The following FER variants were observed in gnomAD, a reference collection of about 807,000 sequenced individuals.
The protein encoded by FER is FER tyrosine kinase, also known as tyrosine-protein kinase Fer.
A neutral mutation model predicts 111.0 loss-of-function variants in FER; 63 were observed. The observed-to-expected ratio is 0.57, with a 90% CI of 0.46 to 0.70. The LOEUF (loss-of-function observed/expected upper bound fraction) is 0.70. FER is among the 30% of genes least tolerant of loss of function. The probability of loss-of-function intolerance (pLI) is 0.00; values close to 1 mark genes in which losing one functional copy is unlikely to be tolerated. For synonymous variants in FER, 327 were observed against 313.9 expected, an observed-to-expected ratio of 1.04 and a Z score of -0.44; for missense variants, 914 against 954.0, an observed-to-expected ratio of 0.96 and a Z score of 0.55.
rs989943976 is a variant in FER, at chr5:109,120,442, G to A, written c.2048+19923G>A. ...GATTTGTTTCTATGTTCTCTATTTT[G>A]TTAACAATGGTCTTTGTGTCTATTT... On this transcript the variant is annotated intron_variant, in intron 17 of 19. Coordinates refer to ENST00000281092, the MANE Select transcript of FER (RefSeq NM_005246.4). Among the ~76,000 whole-genome samples, 71 of 151,958 alleles carry A rather than the reference G, an allele frequency of 4.7e-4. 1 individual carries two copies. The highest frequency in any genetic ancestry group is 1.7e-3 in the African/African-American group (71 of 41,490).
intron 2 of FER, among the ~76,000 whole-genome samples, chr5:108,791,581 T>C (rs977363187): frequency 6.7e-6 from 1 of 149,284 alleles, no homozygotes; most frequent in African/African-American, 2.4e-5. Context: ...ATATGATATA[T>C]ATATATACAT....
At chr5:108,949,270 G>A (rs1456823601) in intron 11 of FER, among the ~76,000 whole-genome samples, 4 of 151,980 alleles carry the variant, frequency 2.6e-5, no homozygotes, top group Admixed American at 2.0e-4. Context: ...CTAGAAAAGC[G>A]GCCTTGTACT....
intron 15 of FER, among the ~76,000 whole-genome samples, chr5:109,046,813 A>G (rs984814587): frequency 3.3e-5 from 5 of 152,174 alleles, no homozygotes; most frequent in Non-Finnish European, 5.9e-5. Context: ...TTTAAAGTAT[A>G]TAAGAGGGTG....
At chr5:109,034,208 G>A (rs763432055) in intron 13 of FER, among the ~76,000 whole-genome samples, 1 of 151,826 alleles carries the variant, frequency 6.6e-6, no homozygotes, top group Non-Finnish European at 1.5e-5. Flanking sequence ...GTTTTTTTCT[G>A]TCTATAACTT....
chr5:109,137,155 G>T (rs1752980908), intron 17 of FER, among the ~76,000 whole-genome samples: 1 of 152,150 alleles, frequency 6.6e-6, no homozygotes. Context: ...GTGAAGGAAA[G>T]GGGGAGATGA....
At chr5:108,968,780 A>C (rs913474673) in intron 13 of FER, among the ~76,000 whole-genome samples, 2 of 152,092 alleles carry the variant, frequency 1.3e-5, no homozygotes, top group Admixed American at 6.5e-5. Flanking sequence ...TTGTTAATAT[A>C]ATCAATACAA....
At chr5:108,958,984 A>G (rs1171835306) in intron 12 of FER, among the ~76,000 whole-genome samples, 1 of 151,878 alleles carries the variant, frequency 6.6e-6, no homozygotes, top group Non-Finnish European at 1.5e-5. Context: ...TTAGATTTAA[A>G]CATTGTGAAA....
intron 9 of FER, among the ~76,000 whole-genome samples, chr5:108,886,252 A>G (rs185554479): frequency 7.8e-4 from 119 of 151,782 alleles, no homozygotes; most frequent in African/African-American, 2.8e-3. Flanking sequence ...TAATGGGTGT[A>G]TAATCCATGT....
chr5:108,824,366 T>G (rs1283193983), intron 3 of FER, among the ~76,000 whole-genome samples: 1 of 152,154 alleles, frequency 6.6e-6, no homozygotes, highest in African/African-American at 2.4e-5. Context: ...ATAGAATTGC[T>G]TTCAATCTGT....
At position 108,848,384 on chromosome 5, in the gene FER, G is replaced by A. The variant is rs145894056; in HGVS notation, c.481+12577G>A. On this transcript the variant is annotated intron_variant, in intron 5 of 19. Transcript: ENST00000281092. ...GCAGTTTATTTTCTTTTTGTTCCAC[G>A]TATTCTGTATTTCACTTTGCCTTTA... Among the ~76,000 whole-genome samples, 149 of 152,018 alleles carry A rather than the reference G, an allele frequency of 9.8e-4. 2 individuals are homozygous for A. In the East Asian group the frequency reaches 0.026, roughly 27 times the overall value.
chr5:108,820,901 G>A (rs1231046874), intron 3 of FER, among the ~76,000 whole-genome samples: 2 of 152,236 alleles, frequency 1.3e-5, no homozygotes, highest in East Asian at 1.9e-4. Context: ...CAAGGTGGGC[G>A]AATCACTTGG....
chr5:108,814,711 T>A (rs1758102075), intron 3 of FER, among the ~76,000 whole-genome samples: 1 of 152,190 alleles, frequency 6.6e-6, no homozygotes, highest in Non-Finnish European at 1.5e-5. Context: ...ATACCTAACT[T>A]TCTGGGCATG....
intron 16 of FER, among the ~76,000 whole-genome samples, chr5:109,077,667 G>GT (rs1776498464): frequency 6.6e-6 from 1 of 152,130 alleles, no homozygotes; most frequent in Non-Finnish European, 1.5e-5. Context: ...AATATTCCTT[G>GT]TTTCCTGCCC....
At chr5:109,121,095 T>C (rs1750908263) in intron 17 of FER, among the ~76,000 whole-genome samples, 1 of 152,080 alleles carries the variant, frequency 6.6e-6, no homozygotes, top group Admixed American at 6.6e-5. Context: ...TTTCTTTCTC[T>C]TGTCTGATTG....
At chr5:108,832,220 C>T (rs1461118157) in intron 3 of FER, among the ~76,000 whole-genome samples, 2 of 147,070 alleles carry the variant, frequency 1.4e-5, no homozygotes, top group African/African-American at 5.1e-5. Flanking sequence ...AACAAAAGAA[C>T]AGGTACCAAA....
chr5:109,053,710 T>G (rs942276038), intron 16 of FER, among the ~76,000 whole-genome samples: 139 of 147,722 alleles, frequency 9.4e-4, no homozygotes, highest in African/African-American at 3.6e-3. Flanking sequence ...TTTTTTTTTT[T>G]GAGACGGAAT....
At chr5:108,865,017 A>G (rs1043887784) in intron 5 of FER, among the ~76,000 whole-genome samples, 2 of 151,978 alleles carry the variant, frequency 1.3e-5, no homozygotes, top group African/African-American at 2.4e-5. Context: ...ATTTGTTTGT[A>G]TCCTCTTTTA....
At position 109,180,790 on chromosome 5, in the gene FER, C is replaced by T; in HGVS notation, c.2092C>T (p.Leu698=). Residue 698 remains leucine (L), a synonymous_variant, in exon 18 of 20, where the codon CTG becomes TTG. Coordinates refer to ENST00000281092, the MANE Select transcript of FER (RefSeq NM_005246.4). ...RNCLVGENNV[L]KISDFGMSRQ... ...CTGCCTGGTAGGTGAAAATAATGTT[C>T]TGAAAATCAGTGACTTTGGAATGTC... 6 of 1,613,266 alleles carry T rather than the reference C, an allele frequency of 3.7e-6. No individual in the cohort carries two copies. Among genetic ancestry groups the T allele is most frequent in the Non-Finnish European group, 5.1e-6 (6 of 1,179,592 alleles).
chr5:109,018,822 A>C (rs1361581212), intron 13 of FER, among the ~76,000 whole-genome samples: 1 of 151,720 alleles, frequency 6.6e-6, no homozygotes, highest in Non-Finnish European at 1.5e-5. Flanking sequence ...GATTTCACCC[A>C]CATCGTTTTC....
Sources: gnomAD v4.1 joint callset for allele counts (sites outside exome capture counted in the v4.1 genomes callset) on GRCh38, gnomAD v4.1.1 for gene constraint, MANE v1.5 for transcripts, NCBI Gene and HGNC (gene_info 2026-07-23, HGNC 2026-07-21) for gene names.